Variants in PRKAR1A observed in about 807,000 individuals in gnomAD.
The protein encoded by PRKAR1A is cAMP-dependent protein kinase type I-alpha regulatory subunit.
In PRKAR1A, 3 loss-of-function variants were observed where a neutral mutation model predicts 52.0. The ratio of observed to expected loss-of-function variants is 0.06; its 90% CI spans 0.03 to 0.15. The LOEUF (loss-of-function observed/expected upper bound fraction) is 0.15. Among genes scored for constraint, PRKAR1A ranks in the 10% least tolerant of loss-of-function variants. PRKAR1A has a pLI of 1.00. For synonymous variants in PRKAR1A, 188 were observed against 168.4 expected (o/e 1.12, Z -0.90); for missense variants, 240 against 477.4 (o/e 0.50, Z 4.63).
chr17:68,429,222 AC>A, the PRKAR1A span, among the ~76,000 whole-genome samples: 12 of 152,204 alleles, frequency 7.9e-5, no homozygotes, highest in African/African-American at 2.9e-4. Context: ...TTAGCTCCCT[AC>A]ATGGGACGCA....
In PRKAR1A at chr17:68,525,080, T is replaced by TA. The variant is rs932354692; in HGVS notation, c.549+123dup. ...TCCCTTGTATGTCAGATTTTATTAATACCTTTTGCCAAGTATTTTTATGAC... is the reference window on the plus strand; with the variant it reads ...TCCCTTGTATGTCAGATTTTATTAATAACCTTTTGCCAAGTATTTTTATGAC... On this transcript the variant is annotated intron_variant, in intron 6 of 10. Coordinates refer to ENST00000589228, the MANE Select transcript of PRKAR1A (RefSeq NM_002734.5). 73 of 801,252 alleles carry TA rather than the reference T, an allele frequency of 9.1e-5. No homozygotes were observed. In the African/African-American group the frequency reaches 1.2e-3, roughly 13 times the overall value. 49.6% of individuals were successfully genotyped at this position (801,252 alleles called of 1,614,324 possible).
chr17:68,530,669 T>C lies in PRKAR1A; in HGVS notation c.*220T>C, dbSNP rs2085950701. ...TAAATAGAAAGAGTTCTATGGAGAC[T>C]TTGCTGTTACTGCTTCTCTTTGTGC... is the stretch of plus-strand genomic sequence containing the variant. On this transcript the variant is annotated 3_prime_UTR_variant, in exon 11 of 11. Transcript: ENST00000589228. 1 of 1,441,896 alleles carries C rather than the reference T, an allele frequency of 6.9e-7. No individual in the cohort carries two copies. The highest frequency in any genetic ancestry group is 9.1e-7 in the Non-Finnish European group (1 of 1,098,868). The allele number at this position is 1,441,896 out of a possible 1,614,324, so 89.3% of individuals were successfully genotyped here.
chr17:68,537,281 G>A (rs535802048), downstream of PRKAR1A: 33 of 764,724 alleles, frequency 4.3e-5, no homozygotes, highest in East Asian at 4.6e-4. This position sits in a 1 kb window ranked among gnomAD's most constrained non-coding sequence, Gnocchi z 4.2. Context: ...GCAAGGCAAC[G>A]CACGACAGAA....
chr17:68,457,234 C>A, the PRKAR1A span: 1 of 1,360,588 alleles, frequency 7.3e-7, no homozygotes, highest in East Asian at 3.0e-5. Flanking sequence ...CCGGCCCTCC[C>A]GCCGAGGCCG....
chr17:68,537,144 T>C (rs1269913402), downstream of PRKAR1A: 2 of 507,114 alleles, frequency 3.9e-6, no homozygotes, highest in Non-Finnish European at 7.6e-6. The surrounding 1 kb of genome is among the most constrained non-coding windows in gnomAD (Gnocchi z 4.2). Flanking sequence ...TCCTTTTATT[T>C]GACTTGTTAC....
chr17:68,432,174 C>T, the PRKAR1A span, among the ~76,000 whole-genome samples: 4 of 152,046 alleles, frequency 2.6e-5, no homozygotes, highest in African/African-American at 4.8e-5. Context: ...GATGAAGGAG[C>T]GAGAAGGGAG....
At chr17:68,426,252 G>GGGGGGGGT in the PRKAR1A span, 7 of 828,186 alleles carry the variant, frequency 8.5e-6, 1 homozygote, top group South Asian at 2.7e-5. Flanking sequence ...TGGGGAGCGG[G>GGGGGGGGT]GGCTCAAATA....
the PRKAR1A span, chr17:68,420,881 T>G: frequency 5.4e-6 from 1 of 184,566 alleles, no homozygotes; most frequent in Non-Finnish European, 1.1e-5. Context: ...GTTTCTCTGG[T>G]CATTTTGGTG....
chr17:68,512,283 G>C (rs899038051), upstream of PRKAR1A: 1 of 153,398 alleles, frequency 6.5e-6, no homozygotes, highest in Non-Finnish European at 1.5e-5. Flanking sequence ...AACGACCGCA[G>C]AGTGAGGGTC....
the PRKAR1A span, chr17:68,450,975 C>G: frequency 6.6e-7 from 1 of 1,516,802 alleles, no homozygotes. Flanking sequence ...ACACTGGGCC[C>G]GGCGCAGGCC....
chr17:68,415,743 G>A, the PRKAR1A span, among the ~76,000 whole-genome samples: 1 of 152,168 alleles, frequency 6.6e-6, no homozygotes. Flanking sequence ...ATGTTTTCCT[G>A]TTGGACACGG....
At chr17:68,469,000 C>T in the PRKAR1A span, among the ~76,000 whole-genome samples, 1 of 152,180 alleles carries the variant, frequency 6.6e-6, no homozygotes, top group African/African-American at 2.4e-5. Context: ...CTGGAATGCT[C>T]CATATGCCTC....
At chr17:68,545,424 C>G (rs538004348) in intron 11 of PRKAR1A, among the ~76,000 whole-genome samples, 1 of 152,188 alleles carries the variant, frequency 6.6e-6, no homozygotes, top group Non-Finnish European at 1.5e-5. Context: ...ATAAAAGTTA[C>G]GTTTCATTAT....
At chr17:68,544,513 T>C (rs1307197883) in intron 11 of PRKAR1A, among the ~76,000 whole-genome samples, 3 of 152,148 alleles carry the variant, frequency 2.0e-5, no homozygotes, top group African/African-American at 7.2e-5. Context: ...TATAATCCAC[T>C]GTGTGGGACT....
At chr17:68,474,723 G>A in the PRKAR1A span, among the ~76,000 whole-genome samples, 1 of 152,098 alleles carries the variant, frequency 6.6e-6, no homozygotes, top group Non-Finnish European at 1.5e-5. Context: ...GTGAAACTCC[G>A]TGCCTACTAA....
chr17:68,550,361 TGGG>T (rs1346617547), intron 11 of PRKAR1A, among the ~76,000 whole-genome samples: 2 of 130,786 alleles, frequency 1.5e-5, no homozygotes, highest in African/African-American at 2.8e-5. Context: ...ATAGGAAAAA[TGGG>T]GGAACTTTTT....
downstream of PRKAR1A, chr17:68,537,749 GAC>G: frequency 1.9e-6 from 3 of 1,607,174 alleles, no homozygotes; most frequent in Non-Finnish European, 2.6e-6. This position sits in a 1 kb window ranked among gnomAD's most constrained non-coding sequence, Gnocchi z 4.2. Context: ...ATCCTGAAAA[GAC>G]AAAGTTACAG....
the PRKAR1A span, chr17:68,436,451 G>A: frequency 2.5e-6 from 4 of 1,613,840 alleles, no homozygotes; most frequent in African/African-American, 5.3e-5. Flanking sequence ...GGTAAGAATT[G>A]GAATGGTTGA....
At chr17:68,491,383 C>A in the PRKAR1A span, among the ~76,000 whole-genome samples, 2 of 152,168 alleles carry the variant, frequency 1.3e-5, no homozygotes, top group Non-Finnish European at 2.9e-5. Context: ...TGAGCCACCG[C>A]GCCCAGCCAA....
Sources: allele counts gnomAD v4.1 joint callset (sites outside exome capture counted in the v4.1 genomes callset), GRCh38; gene constraint gnomAD v4.1.1; non-coding constraint Gnocchi (gnomAD v3.1); transcripts MANE v1.5; gene names NCBI Gene and HGNC (gene_info 2026-07-23, HGNC 2026-07-21).